The following AGO1 variants were observed in gnomAD, a reference collection of about 807,000 sequenced individuals.
AGO1 encodes argonaute RISC component 1.
Under a neutral mutation model 109.2 loss-of-function variants are expected in AGO1, and 11 were observed. The ratio of observed to expected loss-of-function variants is 0.10; its 90% CI spans 0.06 to 0.17. The LOEUF (loss-of-function observed/expected upper bound fraction) is 0.17. Ranked by LOEUF, AGO1 falls within the 10% of genes least tolerant of loss-of-function variation. AGO1 has a pLI of 1.00. For synonymous variants in AGO1, 422 were observed against 418.6 expected, an observed-to-expected ratio of 1.01 and a Z score of -0.10; for missense variants, 574 against 1,140.3, an observed-to-expected ratio of 0.50 and a Z score of 7.15.
chr1:35,898,498 G>A lies in AGO1; in HGVS notation c.1021-2976G>A, dbSNP rs75245475. ...GTCTCGATCTCCTGACTCATGATCC[G>A]CCCGCCTCAGCCTCCCAAATTGCTG... is the stretch of plus-strand genomic sequence containing the variant. On this transcript the variant is annotated intron_variant, in intron 8 of 18. Transcript: ENST00000373204. 2.6e-4 allele frequency among the ~76,000 whole-genome samples: 39 copies of A among 152,048 alleles called. 2 individuals carry two copies. In the East Asian group the frequency reaches 5.0e-3, roughly 20 times the overall value.
Position 35,901,936 on chromosome 1 carries a change from T to C in AGO1, c.1141-12T>C. 2 of 1,575,030 alleles carry C rather than the reference T, an allele frequency of 1.3e-6. No individual in the cohort carries two copies. Among genetic ancestry groups the C allele is most frequent in the Middle Eastern group, 1.7e-4 (1 of 5,844 alleles). The stretch of plus-strand genomic sequence containing the variant: ...TCCTGTTCTCCTGAGATTGCTCTCT[T>C]TTGTCCTGCAGATGAAGAATGCCAG... On this transcript the variant is annotated splice_polypyrimidine_tract_variant and intron_variant, in intron 9 of 18. Coordinates refer to ENST00000373204, the MANE Select transcript of AGO1 (RefSeq NM_012199.5). The surrounding 1 kb of genome is among the most constrained non-coding windows in gnomAD (Gnocchi z 4.8).
chr1:35,893,503 A>G lies in AGO1; in HGVS notation c.513-171A>G, dbSNP rs1645260360. On this transcript the variant is annotated intron_variant, in intron 4 of 18. Transcript: ENST00000373204. The surrounding 1 kb of genome is among the most constrained non-coding windows in gnomAD (Gnocchi z 5.6). ...CTCATCCCATCTGTCCCTGCAGGGC[A>G]GAGAGAAGGTAGAAACTTGTACAAG... The G allele has an allele frequency of 3.6e-6, 3 of 836,360 alleles. No individual in the cohort carries two copies. Among genetic ancestry groups the G allele is most frequent in the Non-Finnish European group, 5.4e-6 (3 of 553,388 alleles). 51.8% of individuals were successfully genotyped at this position (836,360 alleles called of 1,614,324 possible). A position where few individuals can be genotyped will look rare whatever the true frequency, so the allele number is the denominator to read the frequency against.
In AGO1 at chr1:35,924,646, A is replaced by C. The variant is rs1299064106; in HGVS notation, c.*5039A>C. 6.6e-6 allele frequency: 1 copy of C among 152,234 alleles called. No individual in the cohort carries two copies. Among genetic ancestry groups the C allele is most frequent in the Admixed American group, 6.5e-5 (1 of 15,268 alleles). The allele number at this position is 152,234 out of a possible 1,614,324, so 9.4% of individuals were successfully genotyped here. A position where few individuals can be genotyped will look rare whatever the true frequency, so the allele number is the denominator to read the frequency against. ...ATAGGGAGGAAGGGACAGATTTGAG[A>C]GACGAGGTAGAATTAATAGGACTCG... is the stretch of plus-strand genomic sequence containing the variant. On this transcript the variant is annotated 3_prime_UTR_variant, in exon 19 of 19. Transcript: ENST00000373204.
At chr1:35,882,993 A>C (rs980574904), upstream of AGO1, 2 of 927,984 alleles carry the variant, frequency 2.2e-6, no homozygotes, top group African/African-American at 3.6e-5. The surrounding 1 kb of genome is among the most constrained non-coding windows in gnomAD (Gnocchi z 5.1). Flanking sequence ...CTGTGGCGGG[A>C]TGTCCCTTCG....
Position 35,888,633 on chromosome 1 carries a change from A to G in AGO1, c.209+23A>G. On this transcript the variant is annotated intron_variant, in intron 2 of 18. Transcript: ENST00000373204. The surrounding 1 kb of genome is among the most constrained non-coding windows in gnomAD (Gnocchi z 4.1). ...CCGGTAAGTGATGCACACCTAAGCC[A>G]CCAAATCTGAAAGACACCAACCTTG... is the stretch of plus-strand genomic sequence containing the variant. The G allele has an allele frequency of 6.2e-7, 1 of 1,611,646 alleles. No individual in the cohort carries two copies. Among genetic ancestry groups the G allele is most frequent in the Non-Finnish European group, 8.5e-7 (1 of 1,178,138 alleles).
chr1:35,899,757 A>C (rs1645382224), intron 8 of AGO1, among the ~76,000 whole-genome samples: 1 of 152,234 alleles, frequency 6.6e-6, no homozygotes, highest in Admixed American at 6.5e-5. Context: ...GAGAACTAGT[A>C]TGTAAAGAAT....
intron 12 of AGO1, among the ~76,000 whole-genome samples, chr1:35,910,830 C>A (rs1372160588): frequency 1.3e-5 from 2 of 152,096 alleles, no homozygotes; most frequent in Non-Finnish European, 2.9e-5. Context: ...TTTGGGAGGC[C>A]AAGGCAAGTG....
intron 12 of AGO1, among the ~76,000 whole-genome samples, chr1:35,913,165 G>A (rs1228580618): frequency 6.6e-6 from 1 of 151,874 alleles, no homozygotes; most frequent in Non-Finnish European, 1.5e-5. Flanking sequence ...GACTACAGGC[G>A]CCCGCCACCA....
At position 35,925,451 on chromosome 1, in the gene AGO1, A is replaced by G. The variant is rs1645909150; in HGVS notation, c.*5844A>G. ...ATGTTCCAGCATACTAGATAATAGT[A>G]GCATACTATATTTATTTCCATAATT... On this transcript the variant is annotated 3_prime_UTR_variant, in exon 19 of 19. Transcript: ENST00000373204. The G allele has an allele frequency of 6.7e-6, 1 of 149,308 alleles. No homozygotes were observed. Among genetic ancestry groups the G allele is most frequent in the Non-Finnish European group, 1.5e-5 (1 of 67,624 alleles). The allele number at this position is 149,308 out of a possible 1,614,324, so 9.2% of individuals were successfully genotyped here.
chr1:35,883,127 C>G (rs1645055066), upstream of AGO1: 1 of 1,099,482 alleles, frequency 9.1e-7, no homozygotes, highest in African/African-American at 1.7e-5. The surrounding 1 kb of genome is among the most constrained non-coding windows in gnomAD (Gnocchi z 5.4). Flanking sequence ...CCCCGCCCCT[C>G]TCCATTGGCC....
chr1:35,904,210 A>G (rs1351011083), intron 11 of AGO1, among the ~76,000 whole-genome samples: 2 of 141,890 alleles, frequency 1.4e-5, no homozygotes, highest in African/African-American at 5.3e-5. Flanking sequence ...GGTTCACGCC[A>G]GTCTCCTGCC....
intron 2 of AGO1, among the ~76,000 whole-genome samples, chr1:35,889,643 A>G (rs184957768): frequency 3.3e-5 from 5 of 152,146 alleles, no homozygotes; most frequent in African/African-American, 1.2e-4. Flanking sequence ...CCCCAGTACC[A>G]TTAATTGTTA....
chr1:35,883,476 A>C lies in AGO1; in HGVS notation c.25+30A>C. On this transcript the variant is annotated intron_variant, in intron 1 of 18. Transcript: ENST00000373204. The surrounding 1 kb of genome is among the most constrained non-coding windows in gnomAD (Gnocchi z 5.4). ...GGGTCCCCAGGAGGGGGAACGGTGC[A>C]TGCTCCAAGGACTGGGGGATCCCGC... 1.3e-6 allele frequency: 2 copies of C among 1,545,568 alleles called. No individual in the cohort carries two copies. Among genetic ancestry groups the C allele is most frequent in the Non-Finnish European group, 1.7e-6 (2 of 1,152,956 alleles).
At chr1:35,903,108 G>A (rs1571359377) in intron 11 of AGO1, among the ~76,000 whole-genome samples, 3 of 146,586 alleles carry the variant, frequency 2.0e-5, no homozygotes, top group African/African-American at 7.6e-5. Context: ...CGGGTTTCAC[G>A]CCATTCTCCT....
Position 35,929,431 on chromosome 1 carries a change from T to C in AGO1, c.*9824T>C, listed in dbSNP as rs1645993405. On this transcript the variant is annotated 3_prime_UTR_variant, in exon 19 of 19. Coordinates refer to ENST00000373204, the MANE Select transcript of AGO1 (RefSeq NM_012199.5). ...AAAGGTTTATCACTGTCACCATGTC[T>C]AATGTCTATTCTGGAAGAAGCTGAA... 6.6e-6 allele frequency: 1 copy of C among 152,238 alleles called. No homozygotes were observed. 9.4% of individuals were successfully genotyped at this position (152,238 alleles called of 1,614,324 possible). A position where few individuals can be genotyped will look rare whatever the true frequency, so the allele number is the denominator to read the frequency against.
At chr1:35,917,837 T>C in intron 16 of AGO1, 110 bp downstream of exon 16, 1 of 1,452,450 alleles carries the variant, frequency 6.9e-7, no homozygotes, top group Non-Finnish European at 9.3e-7. Flanking sequence ...CTATCTATCC[T>C]CCCTGGCCCC....
In AGO1 at chr1:35,894,029, C is replaced by A; in HGVS notation, c.650-8C>A. 2 of 1,540,832 alleles carry A rather than the reference C, an allele frequency of 1.3e-6. No individual in the cohort carries two copies. The highest frequency in any genetic ancestry group is 2.8e-5 in the African/African-American group (2 of 72,548). On this transcript the variant is annotated splice_polypyrimidine_tract_variant and splice_region_variant and intron_variant, in intron 5 of 18. Transcript: ENST00000373204. The stretch of plus-strand genomic sequence containing the variant: ...CTGAGCTGAGCTATCTTTACCCTGT[C>A]CCCACAGTCTCAGCCACTGCCTTTT...
upstream of AGO1, chr1:35,882,749 G>A (rs1645050203): frequency 1.0e-6 from 1 of 955,804 alleles, no homozygotes; most frequent in Non-Finnish European, 1.2e-6. The surrounding 1 kb of genome is among the most constrained non-coding windows in gnomAD (Gnocchi z 5.1). Flanking sequence ...TGAGTTCAGT[G>A]ACTAGGGACG....
intron 12 of AGO1, among the ~76,000 whole-genome samples, chr1:35,912,754 A>G (rs571098335): frequency 5.3e-5 from 8 of 151,676 alleles, no homozygotes; most frequent in Non-Finnish European, 1.0e-4. Flanking sequence ...TTGTATTTTT[A>G]GTAGATACGG....
Sources: allele counts gnomAD v4.1 joint callset (sites outside exome capture counted in the v4.1 genomes callset), GRCh38; gene constraint gnomAD v4.1.1; non-coding constraint Gnocchi (gnomAD v3.1); transcripts MANE v1.5; gene names NCBI Gene and HGNC (gene_info 2026-07-23, HGNC 2026-07-21).